PTPRT: variants seen among roughly 807,000 people sequenced by gnomAD.
PTPRT encodes the protein receptor-type tyrosine-protein phosphatase T.
In PTPRT, 56 loss-of-function variants were observed where a neutral mutation model predicts 176.8. That is an observed-to-expected ratio of 0.32 (90% confidence interval 0.26 to 0.40). The LOEUF (loss-of-function observed/expected upper bound fraction) is 0.40. Among genes scored for constraint, PTPRT ranks in the 10% least tolerant of loss-of-function variants. PTPRT has a pLI of 1.00. For missense variants in PTPRT, 1,540 were observed against 1,908.2 expected, an observed-to-expected ratio of 0.81 and a Z score of 3.60; for synonymous variants, 783 against 739.0, an observed-to-expected ratio of 1.06 and a Z score of -0.96.
chr20:42,289,678 T>C (rs2057288088), intron 12 of PTPRT, among the ~76,000 whole-genome samples: 1 of 152,072 alleles, frequency 6.6e-6, no homozygotes, highest in South Asian at 2.1e-4. Flanking sequence ...GATGATATTG[T>C]AAATTAGTGC....
intron 15 of PTPRT, among the ~76,000 whole-genome samples, chr20:42,234,850 C>T (rs6124432): frequency 6.6e-6 from 1 of 152,224 alleles, no homozygotes; most frequent in African/African-American, 2.4e-5. Context: ...TCCTAAAGAC[C>T]TGTGGACCCC....
chr20:42,575,331 G>A (rs4810361), intron 7 of PTPRT, among the ~76,000 whole-genome samples: 99,328 of 152,098 alleles, frequency 0.65, 33,989 homozygotes, highest in African/African-American at 0.85. Flanking sequence ...AAGAAGAGGG[G>A]CCATTTTCCC....
intron 9 of PTPRT, among the ~76,000 whole-genome samples, chr20:42,443,388 G>A (rs1184243959): frequency 1.3e-5 from 2 of 152,174 alleles, no homozygotes; most frequent in Non-Finnish European, 2.9e-5. Context: ...TGATGTTAAT[G>A]ATGCTAGTTT....
chr20:43,173,120 G>A (rs947029815), intron 1 of PTPRT, among the ~76,000 whole-genome samples: 9 of 151,946 alleles, frequency 5.9e-5, no homozygotes, highest in African/African-American at 1.7e-4. Flanking sequence ...GTGATCCGCC[G>A]GAGAGCCTGC....
At chr20:42,261,771 C>A (rs1230011454) in intron 13 of PTPRT, among the ~76,000 whole-genome samples, 1 of 152,180 alleles carries the variant, frequency 6.6e-6, no homozygotes, top group East Asian at 1.9e-4. Flanking sequence ...TAATTCAATT[C>A]TTTCCAACCA....
chr20:42,293,633 A>G (rs934852449), intron 12 of PTPRT, among the ~76,000 whole-genome samples: 1 of 152,152 alleles, frequency 6.6e-6, no homozygotes, highest in Non-Finnish European at 1.5e-5. Flanking sequence ...TACTTTTTCT[A>G]GCATTGATAT....
At chr20:42,940,741 T>C (rs1325961690) in intron 1 of PTPRT, among the ~76,000 whole-genome samples, 1 of 152,136 alleles carries the variant, frequency 6.6e-6, no homozygotes, top group Non-Finnish European at 1.5e-5. Flanking sequence ...AACCCCACCA[T>C]ATGGTTTTAT....
chr20:43,064,662 T>C (rs1255659776), intron 1 of PTPRT, among the ~76,000 whole-genome samples: 2 of 152,136 alleles, frequency 1.3e-5, no homozygotes, highest in African/African-American at 4.8e-5. Context: ...AACATCAAGT[T>C]CAAAGAAGTC....
intron 2 of PTPRT, among the ~76,000 whole-genome samples, chr20:42,836,628 G>C (rs1034975832): frequency 6.6e-6 from 1 of 152,154 alleles, no homozygotes; most frequent in Non-Finnish European, 1.5e-5. Context: ...AACACAAGGG[G>C]ATGAGCCGAG....
chr20:42,602,097 G>A (rs1050119673), intron 7 of PTPRT, among the ~76,000 whole-genome samples: 20 of 152,192 alleles, frequency 1.3e-4, no homozygotes, highest in Admixed American at 5.9e-4. Flanking sequence ...TCCCAATGTC[G>A]TTCATTCCCA....
At chr20:43,060,330 G>A (rs1987405201) in intron 1 of PTPRT, among the ~76,000 whole-genome samples, 2 of 152,204 alleles carry the variant, frequency 1.3e-5, no homozygotes, top group Non-Finnish European at 1.5e-5. Flanking sequence ...AACATGGATG[G>A]TCTTCCTCTT....
intron 1 of PTPRT, among the ~76,000 whole-genome samples, chr20:42,973,614 T>A (rs1982782638): frequency 6.6e-6 from 1 of 152,210 alleles, no homozygotes; most frequent in African/African-American, 2.4e-5. Flanking sequence ...CCCACCTACC[T>A]GGAACAGTAT....
intron 9 of PTPRT, among the ~76,000 whole-genome samples, chr20:42,404,225 C>T (rs376650870): frequency 1.9e-4 from 29 of 152,270 alleles, no homozygotes; most frequent in African/African-American, 7.0e-4. Flanking sequence ...TATACCACTT[C>T]TAGGCTTGAT....
At chr20:42,437,837 G>T (rs1477253560) in intron 9 of PTPRT, among the ~76,000 whole-genome samples, 1 of 152,174 alleles carries the variant, frequency 6.6e-6, no homozygotes, top group Non-Finnish European at 1.5e-5. Flanking sequence ...ATGAAAATAT[G>T]CAAACATTTT....
At chr20:42,085,665 T>C (rs143180826) in intron 28 of PTPRT, 63 bp downstream of exon 28, 87,389 of 1,601,426 alleles carry the variant, frequency 0.055, 2,877 homozygotes, top group Non-Finnish European at 0.065. Flanking sequence ...GGATCCTCTC[T>C]CGGCAGCCTC....
At chr20:42,328,680 T>C (rs1161812905) in intron 11 of PTPRT, among the ~76,000 whole-genome samples, 2 of 152,180 alleles carry the variant, frequency 1.3e-5, no homozygotes, top group Admixed American at 6.5e-5. Context: ...CTATTTCAAA[T>C]CTACAACTAA....
At chr20:42,595,084 T>C (rs1177226727) in intron 7 of PTPRT, among the ~76,000 whole-genome samples, 4 of 152,160 alleles carry the variant, frequency 2.6e-5, no homozygotes, top group Non-Finnish European at 5.9e-5. Flanking sequence ...GGCTGCGTTG[T>C]CACTCCTGTC....
intron 7 of PTPRT, among the ~76,000 whole-genome samples, chr20:42,556,097 T>C (rs1393034921): frequency 1.3e-5 from 2 of 152,176 alleles, no homozygotes; most frequent in South Asian, 2.1e-4. Flanking sequence ...AAAGACTCTA[T>C]TGAAAATCTT....
chr20:42,856,294 A>T (rs2078561265), intron 2 of PTPRT, among the ~76,000 whole-genome samples: 1 of 152,152 alleles, frequency 6.6e-6, no homozygotes. Flanking sequence ...CAGCATTACC[A>T]ATTTGGATCA....
Sources: allele counts gnomAD v4.1 joint callset (sites outside exome capture counted in the v4.1 genomes callset), GRCh38; gene constraint gnomAD v4.1.1; transcripts MANE v1.5; gene names NCBI Gene and HGNC (gene_info 2026-07-23, HGNC 2026-07-21).